SHISA9: variants seen among roughly 807,000 people sequenced by gnomAD.
SHISA9 encodes shisa family member 9.
SHISA9 carries 13 observed loss-of-function variants against 38.0 expected under a neutral mutation model. The observed-to-expected ratio is 0.34, with a 90% CI of 0.22 to 0.54. The LOEUF (loss-of-function observed/expected upper bound fraction) is 0.54, where lower values mean the gene tolerates loss of function less well. Ranked by LOEUF, SHISA9 falls within the 20% of genes least tolerant of loss-of-function variation. SHISA9 has a pLI of 0.91. For missense variants in SHISA9, 538 were observed against 575.8 expected, an observed-to-expected ratio of 0.93 and a Z score of 0.67; for synonymous variants, 275 against 242.0, an observed-to-expected ratio of 1.14 and a Z score of -1.27.
At chr16:13,367,708 G>GCGCGCGCGCGCA in the SHISA9 span, among the ~76,000 whole-genome samples, 1 of 116,632 alleles carries the variant, frequency 8.6e-6, no homozygotes, top group African/African-American at 3.7e-5. Context: ...GCGCGCGCGC[G>GCGCGCGCGCGCA]CGCGCACACA....
At chr16:13,458,097 A>G in the SHISA9 span, among the ~76,000 whole-genome samples, 46 of 152,288 alleles carry the variant, frequency 3.0e-4, no homozygotes, top group African/African-American at 9.9e-4. Context: ...TTGAGCACCT[A>G]CCATATTGTA....
At chr16:13,292,117 G>T in the SHISA9 span, among the ~76,000 whole-genome samples, 1 of 148,648 alleles carries the variant, frequency 6.7e-6, no homozygotes, top group African/African-American at 2.6e-5. Flanking sequence ...CAAGTGTGGA[G>T]ACATCATGGC....
intron 2 of SHISA9, among the ~76,000 whole-genome samples, chr16:13,062,224 C>T (rs1484845928): frequency 6.6e-6 from 1 of 151,918 alleles, no homozygotes; most frequent in East Asian, 1.9e-4. Context: ...CTGAAATGCA[C>T]ATTTAAGTGG....
intron 2 of SHISA9, among the ~76,000 whole-genome samples, chr16:13,197,277 C>T (rs1200338438): frequency 1.3e-5 from 2 of 152,082 alleles, no homozygotes; most frequent in Admixed American, 1.3e-4. Flanking sequence ...GGCTATTCCT[C>T]CTTGGGATAT....
At chr16:13,153,169 G>T (rs956656296) in intron 2 of SHISA9, among the ~76,000 whole-genome samples, 2 of 152,000 alleles carry the variant, frequency 1.3e-5, no homozygotes, top group African/African-American at 4.8e-5. Flanking sequence ...TTGGACTTCT[G>T]ACCTCCAGAC....
rs2050707435 is a variant in SHISA9, at chr16:13,173,602, A to G, written c.692-29792A>G. On this transcript the variant is annotated intron_variant, in intron 2 of 4. Transcript: ENST00000558583. ...GGGATATTTAACAATGCCTAGAGACATTTTTGGTTGTCACAACTTGCAGGA... is the reference window on the plus strand; with the variant it reads ...GGGATATTTAACAATGCCTAGAGACGTTTTTGGTTGTCACAACTTGCAGGA... 1.3e-5 allele frequency among the ~76,000 whole-genome samples: 2 copies of G among 152,274 alleles called. 1 individual carries two copies. Among genetic ancestry groups the G allele is most frequent in the Middle Eastern group, 6.8e-3 (2 of 294 alleles).
chr16:13,506,760 A>C, the SHISA9 span, among the ~76,000 whole-genome samples: 1 of 152,104 alleles, frequency 6.6e-6, no homozygotes, highest in Non-Finnish European at 1.5e-5. Context: ...CTGGCTTGAG[A>C]CACTGGGCAT....
the SHISA9 span, among the ~76,000 whole-genome samples, chr16:13,489,248 C>T: frequency 6.6e-6 from 1 of 152,144 alleles, no homozygotes; most frequent in Non-Finnish European, 1.5e-5. Context: ...CAGGGTCTCA[C>T]CATGTTGGCC....
Position 13,174,585 on chromosome 16 carries a change from G to A in SHISA9, c.692-28809G>A, listed in dbSNP as rs183654746. Among the ~76,000 whole-genome samples the A allele has an allele frequency of 3.5e-4, 53 of 152,352 alleles. 2 individuals are homozygous for A. In the East Asian group the frequency reaches 9.6e-3, roughly 28 times the overall value. On this transcript the variant is annotated intron_variant, in intron 2 of 4. Coordinates refer to ENST00000558583, the MANE Select transcript of SHISA9 (RefSeq NM_001145204.3). Reference sequence around the variant, plus strand: ...AAATATTTATGAGAAAGAATCTCCAGGACTGGACCCCTTACTGGGGATGGA... The same window carrying A: ...AAATATTTATGAGAAAGAATCTCCAAGACTGGACCCCTTACTGGGGATGGA...
the SHISA9 span, among the ~76,000 whole-genome samples, chr16:13,395,114 C>T: frequency 6.6e-6 from 1 of 152,182 alleles, no homozygotes; most frequent in African/African-American, 2.4e-5. Flanking sequence ...TGAGTGTGGA[C>T]AGAGGTTGGC....
chr16:13,119,856 T>C (rs1282103799), intron 2 of SHISA9, among the ~76,000 whole-genome samples: 2 of 152,210 alleles, frequency 1.3e-5, no homozygotes, highest in East Asian at 3.8e-4. Context: ...TAGTTTTTTG[T>C]TGTTGTGGAT....
At chr16:13,486,315 T>C in the SHISA9 span, among the ~76,000 whole-genome samples, 1 of 151,964 alleles carries the variant, frequency 6.6e-6, no homozygotes, top group Admixed American at 6.6e-5. Flanking sequence ...AGAGAAGAGA[T>C]TTTCATGAGA....
the SHISA9 span, among the ~76,000 whole-genome samples, chr16:13,466,123 T>C: frequency 6.6e-6 from 1 of 152,240 alleles, no homozygotes; most frequent in Non-Finnish European, 1.5e-5. Context: ...CACAATGTTA[T>C]GTTCTGCTGG....
At chr16:13,318,329 T>C in the SHISA9 span, among the ~76,000 whole-genome samples, 1 of 152,142 alleles carries the variant, frequency 6.6e-6, no homozygotes, top group Admixed American at 6.5e-5. Flanking sequence ...CTCCATTTTT[T>C]TTTTTCTTTT....
the SHISA9 span, among the ~76,000 whole-genome samples, chr16:13,322,846 T>A: frequency 8.5e-5 from 13 of 152,164 alleles, no homozygotes; most frequent in African/African-American, 3.1e-4. Flanking sequence ...CCCGTAAAGT[T>A]GTTTAACTCC....
chr16:12,981,386 A>C (rs560336700), intron 2 of SHISA9, among the ~76,000 whole-genome samples: 2 of 152,354 alleles, frequency 1.3e-5, no homozygotes, highest in East Asian at 3.9e-4. Context: ...AGACAGAGCC[A>C]TACTCCTTCA....
chr16:13,062,433 C>A (rs187049334), intron 2 of SHISA9, among the ~76,000 whole-genome samples: 34 of 152,272 alleles, frequency 2.2e-4, no homozygotes, highest in Admixed American at 9.8e-4. Context: ...TGACCTAGAG[C>A]AGATTGCTTA....
chr16:13,116,049 A>G (rs192960556), intron 2 of SHISA9, among the ~76,000 whole-genome samples: 1 of 152,280 alleles, frequency 6.6e-6, no homozygotes, highest in Admixed American at 6.5e-5. Flanking sequence ...GATTGCGATT[A>G]TATCTGTAGT....
chr16:13,193,035 A>G (rs927208517), intron 2 of SHISA9, among the ~76,000 whole-genome samples: 1 of 152,192 alleles, frequency 6.6e-6, no homozygotes, highest in Non-Finnish European at 1.5e-5. Flanking sequence ...TGACTGGGAA[A>G]TTTTGCAGGA....
Sources: allele counts gnomAD v4.1 joint callset (sites outside exome capture counted in the v4.1 genomes callset), GRCh38; gene constraint gnomAD v4.1.1; transcripts MANE v1.5; gene names NCBI Gene and HGNC (gene_info 2026-07-23, HGNC 2026-07-21).